The following C3orf70 variants were observed in gnomAD, a reference collection of about 807,000 sequenced individuals.
The protein encoded by C3orf70 is UPF0524 protein C3orf70.
In C3orf70, 15 loss-of-function variants were observed where a neutral mutation model predicts 20.7. The observed-to-expected ratio is 0.72, with a 90% confidence interval of 0.48 to 1.11. The LOEUF is 1.11. Ranked by LOEUF, C3orf70 falls within the 50% of genes most tolerant of loss-of-function variation. The pLI is 0.00. For missense variants in C3orf70, 332 were observed against 317.6 expected, an observed-to-expected ratio of 1.05 and a Z score of -0.34; for synonymous variants, 161 against 125.7, an observed-to-expected ratio of 1.28 and a Z score of -1.88.
intron 1 of C3orf70, among the ~76,000 whole-genome samples, chr3:185,118,873 C>T (rs886107784): frequency 6.6e-6 from 1 of 152,152 alleles, no homozygotes; most frequent in Non-Finnish European, 1.5e-5. Flanking sequence ...ACCACTCTAC[C>T]GTGTTACTCT....
intron 1 of C3orf70, among the ~76,000 whole-genome samples, chr3:185,142,814 A>G (rs1432186792): frequency 6.6e-6 from 1 of 152,172 alleles, no homozygotes; most frequent in African/African-American, 2.4e-5. Context: ...GCACAATATC[A>G]CTCATGTAAT....
chr3:185,083,465 CTG>C lies in C3orf70; in HGVS notation c.293_294del (p.Ser98CysfsTer21). The part of the protein sequence containing the change: ...PREPTNTIQI[S>X]VSLTEHFLKF... ...TTCAAAAAGTGTTCGGTGAGCGAGACTGAGATCTGAATGGTGTTTGTGGGTTC... is the reference window on the plus strand; with the variant it reads ...TTCAAAAAGTGTTCGGTGAGCGAGACAGATCTGAATGGTGTTTGTGGGTTC... On this transcript the variant is annotated frameshift_variant, in exon 2 of 2. Transcript: ENST00000335012. LOFTEE classifies it high-confidence loss of function. The C allele has an allele frequency of 6.2e-7, 1 of 1,614,122 alleles. No individual in the cohort carries two copies. Among genetic ancestry groups the C allele is most frequent in the Non-Finnish European group, 8.5e-7 (1 of 1,180,040 alleles).
intron 1 of C3orf70, among the ~76,000 whole-genome samples, chr3:185,085,025 C>T (rs1418873974): frequency 1.3e-5 from 2 of 152,090 alleles, no homozygotes; most frequent in Non-Finnish European, 2.9e-5. Context: ...TGCTGTCTAT[C>T]CTAGGCAGCA....
chr3:185,094,316 A>G (rs780063742), intron 1 of C3orf70, among the ~76,000 whole-genome samples: 6 of 152,106 alleles, frequency 3.9e-5, no homozygotes, highest in African/African-American at 4.8e-5. Context: ...ACCTCAAGTG[A>G]TCTGCCCACC....
rs1715210587 is a variant in C3orf70 at position 185,077,137 on chromosome 3, G to C, written c.*5870C>G. ...AGACATGGTATAGGGTGCGGGGTGG[G>C]GGGGCACTGTATGGAGGACAGAGAA... is the stretch of plus-strand genomic sequence containing the variant. On this transcript the variant is annotated 3_prime_UTR_variant, in exon 2 of 2. Transcript: ENST00000335012. 6.6e-6 allele frequency among the ~76,000 whole-genome samples: 1 copy of C among 151,958 alleles called. No individual in the cohort carries two copies. The highest frequency in any genetic ancestry group is 1.5e-5 in the Non-Finnish European group (1 of 68,030).
At chr3:185,090,529 TAGAA>T (rs142464848) in intron 1 of C3orf70, among the ~76,000 whole-genome samples, 207 of 152,294 alleles carry the variant, frequency 1.4e-3, no homozygotes, top group Non-Finnish European at 1.5e-3. Context: ...AAAATATAAT[TAGAA>T]AGGTAAATCT....
intron 1 of C3orf70, among the ~76,000 whole-genome samples, chr3:185,104,438 CA>C (rs1289724812): frequency 1.3e-5 from 2 of 152,150 alleles, no homozygotes; most frequent in African/African-American, 4.8e-5. Context: ...GACCTAAAAA[CA>C]GAACTGCCAT....
rs1404614020 is a variant in C3orf70, at chr3:185,078,219, G to T, written c.*4788C>A. 1 of 152,610 alleles carries T rather than the reference G, an allele frequency of 6.6e-6. No individual in the cohort carries two copies. Among genetic ancestry groups the T allele is most frequent in the Non-Finnish European group, 1.5e-5 (1 of 68,038 alleles). 9.5% of individuals were successfully genotyped at this position (152,610 alleles called of 1,614,324 possible). The stretch of plus-strand genomic sequence containing the variant: ...AACTTTAAAATAGTTTTTAAAAATA[G>T]CAGAGTAAGTGAATATTGCCAGGTA... On this transcript the variant is annotated 3_prime_UTR_variant, in exon 2 of 2. Transcript: ENST00000335012.
chr3:185,088,048 A>T (rs1244690130), intron 1 of C3orf70, among the ~76,000 whole-genome samples: 1 of 151,392 alleles, frequency 6.6e-6, no homozygotes, highest in Non-Finnish European at 1.5e-5. Flanking sequence ...AGTAGCTGGG[A>T]TTACAGGCAT....
Position 185,102,959 on chromosome 3 carries a change from C to T in C3orf70, c.197-19396G>A, listed in dbSNP as rs116416369. ...CCAAAACTATAAAAACCCTGGAAGA[C>T]GGCCAGGCATGGCAGTGGCTCATGC... On this transcript the variant is annotated intron_variant, in intron 1 of 1. Transcript: ENST00000335012. Among the ~76,000 whole-genome samples, 1,106 of 152,154 alleles carry T rather than the reference C, an allele frequency of 7.3e-3. 20 individuals carry two copies. The highest frequency in any genetic ancestry group is 0.025 in the African/African-American group (1,050 of 41,518).
At chr3:185,143,200 G>T (rs1716793209) in intron 1 of C3orf70, among the ~76,000 whole-genome samples, 2 of 152,088 alleles carry the variant, frequency 1.3e-5, no homozygotes, top group Admixed American at 1.3e-4. Context: ...ATATATTTTG[G>T]TATGAAGTGT....
intron 1 of C3orf70, among the ~76,000 whole-genome samples, chr3:185,150,012 T>G (rs893389365): frequency 6.6e-6 from 1 of 152,148 alleles, no homozygotes; most frequent in African/African-American, 2.4e-5. Context: ...ACCTAATTTC[T>G]TGTTTTTTTT....
chr3:185,080,521 T>C lies in C3orf70; in HGVS notation c.*2486A>G, dbSNP rs1298888750. ...GTACGGAACATTGACAGGAACGGTG[T>C]AGAGGAGAAAGCCCCTTTATACGCC... On this transcript the variant is annotated 3_prime_UTR_variant, in exon 2 of 2. Transcript: ENST00000335012. 2 of 152,646 alleles carry C rather than the reference T, an allele frequency of 1.3e-5. No homozygotes were observed. The highest frequency in any genetic ancestry group is 4.8e-5 in the African/African-American group (2 of 41,410). The allele number at this position is 152,646 out of a possible 1,614,324, so 9.5% of individuals were successfully genotyped here.
chr3:185,114,204 C>A (rs201157654), intron 1 of C3orf70, among the ~76,000 whole-genome samples: 1 of 151,784 alleles, frequency 6.6e-6, no homozygotes, highest in East Asian at 1.9e-4. Flanking sequence ...CGCCCCCACC[C>A]CCCAAAAAAA....
At chr3:185,110,556 C>CCCCCA (rs780625752) in intron 1 of C3orf70, among the ~76,000 whole-genome samples, 1 of 151,858 alleles carries the variant, frequency 6.6e-6, no homozygotes, top group African/African-American at 2.4e-5. Flanking sequence ...GGCCCCCCCT[C>CCCCCA]AAAATCTGGC....
At chr3:185,091,955 ATATATATATTT>A (rs1561331046) in intron 1 of C3orf70, among the ~76,000 whole-genome samples, 80 of 9,160 alleles carry the variant, frequency 8.7e-3, no homozygotes, top group East Asian at 0.014. Flanking sequence ...ATATATATAT[ATATATATATTT>A]TTTTTTTTTT....
chr3:185,093,190 A>G (rs2108589516), intron 1 of C3orf70, among the ~76,000 whole-genome samples: 1 of 152,298 alleles, frequency 6.6e-6, no homozygotes, highest in African/African-American at 2.4e-5. Context: ...GGAACAAAGT[A>G]CCACCAAGCA....
In C3orf70 at chr3:185,080,115, T is replaced by A. The variant is rs557740184; in HGVS notation, c.*2892A>T. The A allele has an allele frequency of 6.5e-6, 1 of 152,730 alleles. No homozygotes were observed. Among genetic ancestry groups the A allele is most frequent in the African/African-American group, 2.4e-5 (1 of 41,580 alleles). 9.5% of individuals were successfully genotyped at this position (152,730 alleles called of 1,614,324 possible). A position where few individuals can be genotyped will look rare whatever the true frequency, so the allele number is the denominator to read the frequency against. On this transcript the variant is annotated 3_prime_UTR_variant, in exon 2 of 2. Transcript: ENST00000335012. ...TCAACAGTGCTAGGACAAAAATAAA[T>A]CTTGTGCTTATTTAGAAAAGGTCAT...
intron 1 of C3orf70, among the ~76,000 whole-genome samples, chr3:185,139,115 G>A (rs1716689422): frequency 7.0e-6 from 1 of 142,290 alleles, no homozygotes; most frequent in African/African-American, 2.6e-5. Context: ...AGGAGAGGGA[G>A]AGGGAGCAGG....
Sources: allele counts gnomAD v4.1 joint callset (sites outside exome capture counted in the v4.1 genomes callset), GRCh38; gene constraint gnomAD v4.1.1; transcripts MANE v1.5; gene names NCBI Gene and HGNC (gene_info 2026-07-23, HGNC 2026-07-21).